Variants in ARHGEF4 observed in about 807,000 individuals in gnomAD.
ARHGEF4 encodes the protein APC-stimulated guanine nucleotide exchange factor 1.
In ARHGEF4, 119 loss-of-function variants were observed where a neutral mutation model predicts 162.0. The ratio of observed to expected loss-of-function variants is 0.73; its 90% confidence interval spans 0.63 to 0.86. ARHGEF4 has a LOEUF of 0.86. Among genes scored for constraint, ARHGEF4 ranks in the 40% least tolerant of loss-of-function variants. ARHGEF4 has a pLI of 0.00. For missense variants in ARHGEF4, 2,488 were observed against 2,456.0 expected (o/e 1.01, Z -0.28); for synonymous variants, 1,014 against 979.9 (o/e 1.03, Z -0.65).
chr2:130,937,685 T>C (rs1254759290), intron 3 of ARHGEF4, among the ~76,000 whole-genome samples: 1 of 149,766 alleles, frequency 6.7e-6, no homozygotes, highest in Non-Finnish European at 1.5e-5. Flanking sequence ...TTTTTTTTTT[T>C]GAGACAGAAT....
rs1681526295 is a variant in ARHGEF4, at chr2:130,916,785, C to T, written c.2839C>T (p.Leu947=). ...SPKGEKEKSR[L]RQGSWRAFLK... is the part of the protein sequence containing the mutation. ...CAAGGGCGAGAAGGAGAAGAGCAGG[C>T]TGCGCCAGGGTTCCTGGCGGGCGTT... The change falls in exon 2 of 14, where the codon CTG becomes TTG. Residue 947 remains leucine, a synonymous_variant. Transcript: ENST00000409359. 9 of 1,550,444 alleles carry T rather than the reference C, an allele frequency of 5.8e-6. No individual in the cohort carries two copies. Among genetic ancestry groups the T allele is most frequent in the Non-Finnish European group, 7.8e-6 (9 of 1,147,026 alleles).
At position 131,041,886 on chromosome 2, in the gene ARHGEF4, G is replaced by A. The variant is rs1178388383; in HGVS notation, c.4967G>A (p.Arg1656Gln). ...NVAQLINERK[R>Q]RLENIDKIAQ... The stretch of plus-strand genomic sequence containing the variant: ...GCCCAGCTCATCAACGAGCGGAAGC[G>A]GAGACTTGAGAACATCGACAAGATT... The change falls in exon 10 of 14, where the codon CGG becomes CAG. Residue 1656 changes from arginine (R) to glutamine (Q), a missense_variant. Around this residue, in one of 6 missense-constraint regions of ARHGEF4, gnomAD observed 415 missense variants for 512.4 expected, o/e 0.81. Coordinates refer to ENST00000409359, the MANE Select transcript of ARHGEF4 (RefSeq NM_001367493.1). 6.8e-6 allele frequency: 11 copies of A among 1,613,630 alleles called. No individual in the cohort carries two copies. Among genetic ancestry groups the A allele is most frequent in the Non-Finnish European group, 9.3e-6 (11 of 1,180,014 alleles).
intron 4 of ARHGEF4, among the ~76,000 whole-genome samples, chr2:131,015,676 C>T (rs988413198): frequency 6.6e-6 from 1 of 152,234 alleles, no homozygotes; most frequent in African/African-American, 2.4e-5. Context: ...CACCTGAGGT[C>T]AGGAGTTCAA....
At chr2:130,893,699 T>G (rs1288303959) in intron 1 of ARHGEF4, among the ~76,000 whole-genome samples, 1 of 152,174 alleles carries the variant, frequency 6.6e-6, no homozygotes, top group African/African-American at 2.4e-5. Flanking sequence ...AGAATGGAGT[T>G]GAACAAGGAG....
chr2:131,008,487 CTCTT>C (rs1214032844), intron 4 of ARHGEF4, among the ~76,000 whole-genome samples: 1 of 152,158 alleles, frequency 6.6e-6, no homozygotes, highest in African/African-American at 2.4e-5. Context: ...TCACAACAGT[CTCTT>C]TCTTTTAAAT....
chr2:130,908,603 G>T (rs1376912511), intron 1 of ARHGEF4, among the ~76,000 whole-genome samples: 1 of 152,146 alleles, frequency 6.6e-6, no homozygotes, highest in Non-Finnish European at 1.5e-5. Context: ...TTGAACCCGG[G>T]AGGTGGACGT....
intron 1 of ARHGEF4, among the ~76,000 whole-genome samples, chr2:130,907,858 A>G (rs958435075): frequency 6.6e-6 from 1 of 151,794 alleles, no homozygotes; most frequent in Non-Finnish European, 1.5e-5. Flanking sequence ...CGGGAGGCTG[A>G]GGCAGGAGAA....
intron 3 of ARHGEF4, 48 bp downstream of exon 3, chr2:130,931,305 T>C: frequency 6.6e-7 from 1 of 1,513,530 alleles, no homozygotes; most frequent in Non-Finnish European, 8.9e-7. Flanking sequence ...TGGTATCCCC[T>C]TCTCTCTGCA....
intron 4 of ARHGEF4, among the ~76,000 whole-genome samples, chr2:131,016,284 AC>A (rs1478905735): frequency 2.6e-5 from 4 of 151,852 alleles, no homozygotes; most frequent in Non-Finnish European, 5.9e-5. Flanking sequence ...TTCCTGCCAG[AC>A]CCCCATCACC....
At chr2:130,894,574 T>C (rs574885341) in intron 1 of ARHGEF4, among the ~76,000 whole-genome samples, 1 of 152,286 alleles carries the variant, frequency 6.6e-6, no homozygotes, top group East Asian at 1.9e-4. Context: ...GAGAGGAGAT[T>C]TCACTGTTAT....
Position 130,914,568 on chromosome 2 carries a change from C to T in ARHGEF4, c.622C>T (p.Leu208Phe). The change falls in exon 2 of 14, where the codon CTC (leucine) becomes TTC (phenylalanine). Residue 208 changes from leucine to phenylalanine, a missense_variant. Leu to Phe is a conservative substitution (Grantham distance 22, BLOSUM62 0). Transcript: ENST00000409359. ...GGTGGCTGTTCAAGACCTCAGAGGGCTCTCCAGTGTTTCTCTTCAGAAATC... is the reference window on the plus strand; with the variant it reads ...GGTGGCTGTTCAAGACCTCAGAGGGTTCTCCAGTGTTTCTCTTCAGAAATC... ...QGVAVQDLRG[L>F]SSVSLQKSRS... The T allele has an allele frequency of 3.6e-6, 5 of 1,400,530 alleles. No individual in the cohort carries two copies. Among genetic ancestry groups the T allele is most frequent in the South Asian group, 1.8e-5 (1 of 56,962 alleles). 86.8% of individuals were successfully genotyped at this position (1,400,530 alleles called of 1,614,324 possible). A position where few individuals can be genotyped will look rare whatever the true frequency, so the allele number is the denominator to read the frequency against.
At chr2:131,015,127 C>A in intron 4 of ARHGEF4, among the ~76,000 whole-genome samples, 1 of 152,144 alleles carries the variant, frequency 6.6e-6, no homozygotes, top group East Asian at 1.9e-4. Flanking sequence ...ATTTTCCCCC[C>A]ACCAGGAAGA....
Position 130,867,648 on chromosome 2 carries a change from T to C in ARHGEF4, c.39+30656T>C, listed in dbSNP as rs557810414. The stretch of plus-strand genomic sequence containing the variant: ...AGGAAATAAATCAACAGGCAATTTC[T>C]CCCACTTTCTGAGTGTCATGAGTCC... On this transcript the variant is annotated intron_variant, in intron 1 of 13. Coordinates refer to ENST00000409359, the MANE Select transcript of ARHGEF4 (RefSeq NM_001367493.1). Among the ~76,000 whole-genome samples, 7 of 152,352 alleles carry C rather than the reference T, an allele frequency of 4.6e-5. No homozygotes were observed. The South Asian group carries it at 1.4e-3, about 32-fold the overall frequency.
intron 1 of ARHGEF4, among the ~76,000 whole-genome samples, chr2:130,852,152 G>A (rs889217724): frequency 6.6e-6 from 1 of 152,242 alleles, no homozygotes; most frequent in Non-Finnish European, 1.5e-5. Flanking sequence ...CTGCGCTGGG[G>A]CTGGGGATGC....
chr2:131,041,142 G>A (rs1367518859), intron 8 of ARHGEF4, 88 bp from the exon 9 acceptor site: 2 of 1,292,674 alleles, frequency 1.5e-6, no homozygotes, highest in African/African-American at 2.9e-5. Flanking sequence ...TGAAGGAAAT[G>A]TAGAGGCTCT....
chr2:130,922,381 AAAAG>A (rs1166903353), intron 2 of ARHGEF4, among the ~76,000 whole-genome samples: 5 of 152,120 alleles, frequency 3.3e-5, no homozygotes, highest in Non-Finnish European at 7.3e-5. Flanking sequence ...CAAAAAAAAA[AAAAG>A]AGTTTATTCA....
At chr2:130,982,926 G>A (rs1051637851) in intron 4 of ARHGEF4, among the ~76,000 whole-genome samples, 1 of 152,016 alleles carries the variant, frequency 6.6e-6, no homozygotes, top group Admixed American at 6.6e-5. Flanking sequence ...CTTATCCTTA[G>A]TAACCTTAAA....
At chr2:130,941,479 C>G (rs1296076857) in intron 3 of ARHGEF4, among the ~76,000 whole-genome samples, 1 of 152,164 alleles carries the variant, frequency 6.6e-6, no homozygotes, top group Non-Finnish European at 1.5e-5. Flanking sequence ...TCTAGGATTA[C>G]AGGTGTGAGC....
chr2:130,917,004 C>A lies in ARHGEF4; in HGVS notation c.3058C>A (p.Pro1020Thr). The A allele has an allele frequency of 6.4e-7, 1 of 1,550,958 alleles. No individual in the cohort carries two copies. Among genetic ancestry groups the A allele is most frequent in the South Asian group, 1.2e-5 (1 of 84,058 alleles). The change falls in exon 2 of 14, where the codon CCA becomes ACA. Residue 1020 changes from proline (P) to threonine (T), a missense_variant. Physicochemically the swap from Pro to Thr is conservative, Grantham distance 38. Coordinates refer to ENST00000409359, the MANE Select transcript of ARHGEF4 (RefSeq NM_001367493.1). The stretch of plus-strand genomic sequence containing the variant: ...ACCTTTGTCCTCCAGTTTAGTTTCT[C>A]CAGAACACAGGAGGAAAAGTGAACC... ...STPLSSSLVS[P>T]EHRRKSEPTI... is the part of the protein sequence containing the mutation.
Sources: allele counts gnomAD v4.1 joint callset (sites outside exome capture counted in the v4.1 genomes callset), GRCh38; gene constraint gnomAD v4.1.1; regional missense constraint gnomAD v4.1.1; transcripts MANE v1.5; gene names NCBI Gene and HGNC (gene_info 2026-07-23, HGNC 2026-07-21).